The following CADM2 variants were observed in gnomAD, a reference collection of about 807,000 sequenced individuals.
The protein encoded by CADM2 is cell adhesion molecule 2.
Under a neutral mutation model 49.8 loss-of-function variants are expected in CADM2, and 12 were observed. That is an observed-to-expected ratio of 0.24 (90% CI 0.15 to 0.39). The LOEUF (loss-of-function observed/expected upper bound fraction) is 0.39. Among genes scored for constraint, CADM2 ranks in the 10% least tolerant of loss-of-function variants. CADM2 has a pLI of 1.00. For synonymous variants in CADM2, 214 were observed against 175.4 expected (o/e 1.22, Z -1.74); for missense variants, 378 against 492.3 (o/e 0.77, Z 2.20).
chr3:85,131,430 T>G (rs544440435), intron 1 of CADM2, among the ~76,000 whole-genome samples: 29 of 152,304 alleles, frequency 1.9e-4, no homozygotes, highest in Admixed American at 1.2e-3. Flanking sequence ...TTTGCTAGCC[T>G]ATACTACATC....
chr3:85,468,175 A>C (rs1020474003), intron 1 of CADM2, among the ~76,000 whole-genome samples: 65 of 151,316 alleles, frequency 4.3e-4, no homozygotes, highest in Non-Finnish European at 8.0e-4. Context: ...AAAAAAAAAA[A>C]AAAAAACATT....
chr3:85,680,143 G>A (rs780131405), intron 1 of CADM2, among the ~76,000 whole-genome samples: 2 of 151,888 alleles, frequency 1.3e-5, no homozygotes, highest in Non-Finnish European at 2.9e-5. Context: ...GAATACTTTT[G>A]ATTCATTCCA....
At chr3:85,376,486 T>A in intron 1 of CADM2, among the ~76,000 whole-genome samples, 1 of 152,054 alleles carries the variant, frequency 6.6e-6, no homozygotes, top group Non-Finnish European at 1.5e-5. Context: ...AGAAAAGCTC[T>A]TAAAACTAAG....
intron 1 of CADM2, among the ~76,000 whole-genome samples, chr3:85,641,723 G>A (rs1046346122): frequency 1.3e-5 from 2 of 151,444 alleles, no homozygotes; most frequent in African/African-American, 4.9e-5. Context: ...TCAGGAGATC[G>A]AGACCATCCT....
chr3:85,338,834 A>G (rs1241354989), intron 1 of CADM2, among the ~76,000 whole-genome samples: 1 of 151,504 alleles, frequency 6.6e-6, no homozygotes, highest in Non-Finnish European at 1.5e-5. Flanking sequence ...TTTTAGTTAC[A>G]GTAGTATAAA....
chr3:85,499,069 G>A (rs2040014972), intron 1 of CADM2, among the ~76,000 whole-genome samples: 1 of 152,102 alleles, frequency 6.6e-6, no homozygotes, highest in Admixed American at 6.5e-5. Flanking sequence ...TTTGATATAT[G>A]TATATTGAAC....
chr3:85,154,441 A>T (rs940285156), intron 1 of CADM2, among the ~76,000 whole-genome samples: 1 of 152,174 alleles, frequency 6.6e-6, no homozygotes, highest in African/African-American at 2.4e-5. Flanking sequence ...GGACTATGTG[A>T]AAAGACCAAA....
intron 8 of CADM2, among the ~76,000 whole-genome samples, chr3:86,022,346 A>T (rs540231998): frequency 2.0e-5 from 3 of 152,206 alleles, no homozygotes; most frequent in African/African-American, 7.2e-5. Flanking sequence ...TTCTCATTTA[A>T]TTCAGTTTCC....
chr3:85,421,650 A>G (rs1416001286), intron 1 of CADM2, among the ~76,000 whole-genome samples: 1 of 152,230 alleles, frequency 6.6e-6, no homozygotes, highest in Non-Finnish European at 1.5e-5. Context: ...TTTACAATTC[A>G]GCACATTATT....
chr3:85,155,910 A>G (rs1385877862), intron 1 of CADM2, among the ~76,000 whole-genome samples: 1 of 152,218 alleles, frequency 6.6e-6, no homozygotes, highest in African/African-American at 2.4e-5. Flanking sequence ...AAGACACAAC[A>G]TTCCAGAATC....
Position 85,886,232 on chromosome 3 carries a change from T to G in CADM2, c.434T>G (p.Val145Gly). The G allele has an allele frequency of 6.2e-7, 1 of 1,613,844 alleles. No homozygotes were observed. Among genetic ancestry groups the G allele is most frequent in the Non-Finnish European group, 8.5e-7 (1 of 1,179,880 alleles). Residue 145 changes from valine to glycine, a missense_variant, in exon 5 of 10, where the codon GTT (valine) becomes GGT (glycine). Transcript: ENST00000383699. Reference protein sequence around the residue: ...KPQISGFSSPVMEGDLMQLTC... With the variant: ...KPQISGFSSPGMEGDLMQLTC... The stretch of plus-strand genomic sequence containing the variant: ...CAGATTAGTGGATTCTCATCACCAG[T>G]TATGGAGGGTGACTTGATGCAGCTG...
At chr3:85,303,959 G>A (rs1265864715) in intron 1 of CADM2, among the ~76,000 whole-genome samples, 3 of 151,990 alleles carry the variant, frequency 2.0e-5, no homozygotes, top group Admixed American at 6.6e-5. Flanking sequence ...TTTGGACATT[G>A]AGACCGGAGG....
At chr3:85,589,584 G>A (rs1485925826) in intron 1 of CADM2, among the ~76,000 whole-genome samples, 1 of 151,792 alleles carries the variant, frequency 6.6e-6, no homozygotes, top group East Asian at 1.9e-4. Context: ...GTATAAATAT[G>A]GTAACACCTG....
At chr3:85,457,908 T>C (rs1215996321) in intron 1 of CADM2, among the ~76,000 whole-genome samples, 1 of 152,180 alleles carries the variant, frequency 6.6e-6, no homozygotes. Flanking sequence ...CCCCCAAATA[T>C]AATCTCCTAG....
intron 5 of CADM2, among the ~76,000 whole-genome samples, chr3:85,898,937 G>GTGTGTGTATATATATATATATA (rs796467067): frequency 6.4e-5 from 3 of 46,698 alleles, no homozygotes; most frequent in African/African-American, 3.4e-4. Context: ...CATTTATTGT[G>GTGTGTGTATATATATATATATA]TATATATATA....
intron 1 of CADM2, among the ~76,000 whole-genome samples, chr3:85,006,288 G>T (rs1306654313): frequency 1.3e-5 from 2 of 152,114 alleles, no homozygotes; most frequent in Non-Finnish European, 1.5e-5. Flanking sequence ...TACCCAGCAG[G>T]GAAATCACTT....
chr3:85,322,016 G>A (rs2044625966), intron 1 of CADM2, among the ~76,000 whole-genome samples: 1 of 152,096 alleles, frequency 6.6e-6, no homozygotes, highest in African/African-American at 2.4e-5. Context: ...GTATGTCCAG[G>A]GAGGCAAAAC....
intron 8 of CADM2, among the ~76,000 whole-genome samples, chr3:86,003,853 A>T (rs1730465733): frequency 6.6e-6 from 1 of 152,164 alleles, no homozygotes; most frequent in African/African-American, 2.4e-5. Context: ...GGCCCAAAGC[A>T]TTTTCTGCTG....
chr3:85,571,331 T>A (rs59417256), intron 1 of CADM2, among the ~76,000 whole-genome samples: 1 of 150,766 alleles, frequency 6.6e-6, no homozygotes, highest in East Asian at 1.9e-4. Context: ...TTCCAGTTGA[T>A]TTATAAAACT....
Sources: allele counts gnomAD v4.1 joint callset (sites outside exome capture counted in the v4.1 genomes callset), GRCh38; gene constraint gnomAD v4.1.1; transcripts MANE v1.5; gene names NCBI Gene and HGNC (gene_info 2026-07-23, HGNC 2026-07-21).